LMO1: variants seen among roughly 807,000 people sequenced by gnomAD.
LMO1 encodes rhombotin-1.
LMO1 carries 10 observed loss-of-function variants against 18.0 expected under a neutral mutation model. That is an observed-to-expected ratio of 0.55 (90% CI 0.34 to 0.94). The LOEUF is 0.94. Ranked by LOEUF, LMO1 falls within the 40% of genes least tolerant of loss-of-function variation. LMO1 has a pLI of 0.02. For synonymous variants in LMO1, 77 were observed against 77.9 expected (o/e 0.99, Z 0.06); for missense variants, 183 against 205.7 (o/e 0.89, Z 0.68).
At chr11:8,225,861 C>T (rs1952530103) in intron 3 of LMO1, among the ~76,000 whole-genome samples, 1 of 152,216 alleles carries the variant, frequency 6.6e-6, no homozygotes, top group South Asian at 2.1e-4. Flanking sequence ...CTTCAGGGAG[C>T]ACTTGTATGC....
At chr11:8,235,175 CTTTCTT>C (rs1952740763) in intron 1 of LMO1, among the ~76,000 whole-genome samples, 1 of 152,204 alleles carries the variant, frequency 6.6e-6, no homozygotes, top group Admixed American at 6.5e-5. Context: ...CGGGCACTTG[CTTTCTT>C]TTTCTTTTAA....
chr11:8,246,894 TC>T (rs1192855752), intron 1 of LMO1, among the ~76,000 whole-genome samples: 1 of 152,082 alleles, frequency 6.6e-6, no homozygotes, highest in African/African-American at 2.4e-5. Flanking sequence ...GGTCACCTCA[TC>T]CCCCTGCTGG....
At chr11:8,264,656 G>T (rs776057676), upstream of LMO1, among the ~76,000 whole-genome samples, 3 of 151,840 alleles carry the variant, frequency 2.0e-5, no homozygotes, top group Admixed American at 6.6e-5. Flanking sequence ...TTTTAAGATG[G>T]AGTCTTGCTC....
chr11:8,234,811 G>A (rs2134537688), intron 1 of LMO1, among the ~76,000 whole-genome samples: 1 of 152,208 alleles, frequency 6.6e-6, no homozygotes, highest in Admixed American at 6.5e-5. Context: ...TGTGTCCCGG[G>A]GCCTTCACTC....
intron 1 of LMO1, among the ~76,000 whole-genome samples, chr11:8,243,621 G>C (rs894512358): frequency 2.0e-5 from 3 of 152,248 alleles, no homozygotes; most frequent in African/African-American, 7.2e-5. Flanking sequence ...AGAGTCTGCA[G>C]CCAGGGAGCT....
At chr11:8,268,409 C>A, upstream of LMO1, 4 of 1,467,982 alleles carry the variant, frequency 2.7e-6, no homozygotes, top group Non-Finnish European at 2.7e-6. Context: ...GCACCGGCAC[C>A]GGGCGCCGGG....
intron 1 of LMO1, among the ~76,000 whole-genome samples, chr11:8,257,638 C>A (rs1435366399): frequency 1.3e-5 from 2 of 152,250 alleles, no homozygotes; most frequent in Non-Finnish European, 2.9e-5. Context: ...CCCTAGGCAG[C>A]CCTTTTGCCC....
At chr11:8,266,045 G>A (rs1216322870), upstream of LMO1, among the ~76,000 whole-genome samples, 1 of 152,190 alleles carries the variant, frequency 6.6e-6, no homozygotes, top group Non-Finnish European at 1.5e-5. Flanking sequence ...TCAGGGCCCT[G>A]TGCCCCAAAC....
intron 1 of LMO1, among the ~76,000 whole-genome samples, chr11:8,245,415 A>G (rs1846877437): frequency 1.3e-5 from 2 of 152,156 alleles, no homozygotes; most frequent in Admixed American, 1.3e-4. Flanking sequence ...GAGCAATAAC[A>G]TTCAACTTGT....
At chr11:8,256,326 G>C (rs894765527) in intron 1 of LMO1, among the ~76,000 whole-genome samples, 3 of 152,220 alleles carry the variant, frequency 2.0e-5, no homozygotes, top group African/African-American at 7.2e-5. Context: ...CCTTTGTAGG[G>C]ATGAGAAAAC....
chr11:8,237,726 A>G (rs1375292095), intron 1 of LMO1, among the ~76,000 whole-genome samples: 2 of 152,224 alleles, frequency 1.3e-5, no homozygotes, highest in African/African-American at 2.4e-5. Flanking sequence ...GGCTCCGCCC[A>G]TGGGGTGGCA....
intron 3 of LMO1, among the ~76,000 whole-genome samples, chr11:8,225,719 C>T (rs917369603): frequency 6.6e-6 from 1 of 152,166 alleles, no homozygotes; most frequent in African/African-American, 2.4e-5. Context: ...ACCCCAAGAT[C>T]GCTGGCCTAG....
At chr11:8,248,115 G>C (rs988784073) in intron 1 of LMO1, among the ~76,000 whole-genome samples, 1 of 152,238 alleles carries the variant, frequency 6.6e-6, no homozygotes, top group South Asian at 2.1e-4. Flanking sequence ...GATTGCCCGT[G>C]ATCTCACAGT....
At chr11:8,231,453 C>T (rs980113692) in intron 1 of LMO1, among the ~76,000 whole-genome samples, 1 of 152,206 alleles carries the variant, frequency 6.6e-6, no homozygotes, top group South Asian at 2.1e-4. Context: ...CCACAGGGAC[C>T]GTTGAGGAGG....
intron 1 of LMO1, among the ~76,000 whole-genome samples, chr11:8,236,047 G>A (rs1488852425): frequency 6.6e-6 from 1 of 152,228 alleles, no homozygotes; most frequent in African/African-American, 2.4e-5. Context: ...GCAAGTATGT[G>A]TAGAAGGAAG....
At chr11:8,251,026 C>G (rs1350600202) in intron 1 of LMO1, among the ~76,000 whole-genome samples, 2 of 152,160 alleles carry the variant, frequency 1.3e-5, no homozygotes, top group African/African-American at 4.8e-5. Flanking sequence ...CTAAGGGCAA[C>G]AGATGCTCTC....
At chr11:8,262,126 A>G (rs1415123663) in intron 1 of LMO1, among the ~76,000 whole-genome samples, 3 of 152,198 alleles carry the variant, frequency 2.0e-5, no homozygotes, top group Admixed American at 6.5e-5. Context: ...TGGCCACATC[A>G]ATAACAACGC....
chr11:8,258,380 C>CGGTG (rs1243670147), intron 1 of LMO1, among the ~76,000 whole-genome samples: 21 of 152,192 alleles, frequency 1.4e-4, no homozygotes, highest in Non-Finnish European at 2.2e-4. Flanking sequence ...GCACTCACCC[C>CGGTG]CAGCCTTCCC....
chr11:8,251,308 C>T (rs73415257), intron 1 of LMO1, among the ~76,000 whole-genome samples: 2,527 of 152,280 alleles, frequency 0.017, 59 homozygotes, highest in African/African-American at 0.056. Flanking sequence ...CTCCCAGCCC[C>T]GTGCTCACCA....
Sources: allele counts gnomAD v4.1 joint callset (sites outside exome capture counted in the v4.1 genomes callset), GRCh38; gene constraint gnomAD v4.1.1; transcripts MANE v1.5; gene names NCBI Gene and HGNC (gene_info 2026-07-23, HGNC 2026-07-21).